MRPL38: variants seen among roughly 807,000 people sequenced by gnomAD.
MRPL38 encodes large ribosomal subunit protein mL38.
A neutral mutation model predicts 52.1 loss-of-function variants in MRPL38; 51 were observed. The observed-to-expected ratio is 0.98, with a 90% CI of 0.78 to 1.24. The LOEUF (loss-of-function observed/expected upper bound fraction) is 1.24, where lower values mean the gene tolerates loss of function less well. MRPL38 is among the 50% of genes most tolerant of loss of function. The probability of loss-of-function intolerance (pLI) is 0.00; values close to 1 mark genes in which losing one functional copy is unlikely to be tolerated. For synonymous variants in MRPL38, 245 were observed against 212.7 expected, an observed-to-expected ratio of 1.15 and a Z score of -1.32; for missense variants, 527 against 518.6, an observed-to-expected ratio of 1.02 and a Z score of -0.16.
chr17:75,901,720 G>A lies in MRPL38; in HGVS notation c.583C>T (p.Pro195Ser). Residue 195 changes from proline to serine, a missense_variant, in exon 4 of 9, where the codon CCA (proline) becomes TCA (serine). By Grantham distance (74) the Pro-to-Ser change is moderately conservative. Coordinates refer to ENST00000309352, the MANE Select transcript of MRPL38 (RefSeq NM_032478.4). The surrounding 1 kb of genome is among the most constrained non-coding windows in gnomAD (Gnocchi z 5.7). ...CACAAGTGAGTGGTTACCTCGGTTG[G>A]AGTCACCTCATTGCCACAGTACACA... is the stretch of plus-strand genomic sequence containing the variant. ...MPVYCGNEVTPTEAAQAPEVT... is the reference protein window; with the variant it reads ...MPVYCGNEVTSTEAAQAPEVT... 1 of 1,613,768 alleles carries A rather than the reference G, an allele frequency of 6.2e-7. No individual in the cohort carries two copies. Among genetic ancestry groups the A allele is most frequent in the Non-Finnish European group, 8.5e-7 (1 of 1,179,798 alleles).
At position 75,901,137 on chromosome 17, in the gene MRPL38, C is replaced by T. The variant is rs2065402471; in HGVS notation, c.664+64G>A. On this transcript the variant is annotated intron_variant, in intron 5 of 8. Transcript: ENST00000309352. The surrounding 1 kb of genome is among the most constrained non-coding windows in gnomAD (Gnocchi z 5.7). ...TCTCCACCTGGCCCCTCCCCCAGCC[C>T]CCCAGGGCCCTGGCTCATAGGAGGT... is the stretch of plus-strand genomic sequence containing the variant. 2 of 1,603,658 alleles carry T rather than the reference C, an allele frequency of 1.2e-6. No homozygotes were observed. The highest frequency in any genetic ancestry group is 1.3e-5 in the African/African-American group (1 of 74,738).
At position 75,901,659 on chromosome 17, in the gene MRPL38, G is replaced by A; in HGVS notation, c.591+53C>T. 2 of 1,478,936 alleles carry A rather than the reference G, an allele frequency of 1.4e-6. No individual in the cohort carries two copies. Among genetic ancestry groups the A allele is most frequent in the South Asian group, 1.1e-5 (1 of 87,850 alleles). The allele number at this position is 1,478,936 out of a possible 1,614,324, so 91.6% of individuals were successfully genotyped here. ...AGGAGTGTCTGTGACACTGAGATGG[G>A]ATGTGTCTGTGTTTGCACAGGGCAG... On this transcript the variant is annotated intron_variant, in intron 4 of 8. Transcript: ENST00000309352. The surrounding 1 kb of genome is among the most constrained non-coding windows in gnomAD (Gnocchi z 5.7).
rs1330000930 is a variant in MRPL38, at chr17:75,902,032, G to A, written c.370C>T (p.Arg124Cys). The A allele has an allele frequency of 3.1e-6, 5 of 1,613,714 alleles. No homozygotes were observed. The highest frequency in any genetic ancestry group is 1.3e-5 in the African/African-American group (1 of 75,052). ...TGAGAAGGCTTACCTGTGCGGAGGC[G>A]GGCAGCCCGCTCCTCTTCCACATTG... Reference protein sequence around the residue: ...RANVEEERAARLRTASVPLDA... With the variant: ...RANVEEERAACLRTASVPLDA... The change falls in exon 3 of 9, where the codon CGC becomes TGC. Residue 124 changes from arginine (R) to cysteine (C), a missense_variant. Transcript: ENST00000309352.
rs374283738 is a variant in MRPL38 at position 75,901,069 on chromosome 17, C to T, written c.665-42G>A. ...CTGCTGACCACGGCCCAGCCGACCA[C>T]GGCCCTGCCACCCCCTCCCTTGTTA... is the stretch of plus-strand genomic sequence containing the variant. On this transcript the variant is annotated intron_variant, in intron 5 of 8. Transcript: ENST00000309352. This position sits in a 1 kb window ranked among gnomAD's most constrained non-coding sequence, Gnocchi z 5.7. 79 of 1,602,722 alleles carry T rather than the reference C, an allele frequency of 4.9e-5. No individual in the cohort carries two copies. The highest frequency in any genetic ancestry group is 1.7e-5 in the Non-Finnish European group (20 of 1,175,346).
intron 1 of MRPL38, 39 bp downstream of exon 1, chr17:75,904,770 G>GGGGGGGGGGC: frequency 2.0e-6 from 1 of 500,008 alleles, no homozygotes; most frequent in Non-Finnish European, 2.8e-6. Flanking sequence ...TCGGGCGACA[G>GGGGGGGGGGC]CCCCCCCCCC....
In MRPL38 at chr17:75,904,713, A is replaced by T; in HGVS notation, c.74T>A (p.Leu25Gln). The stretch of plus-strand genomic sequence containing the variant: ...CCCCAGCGGGGGTGTCCGGCGGCCC[A>T]GGACGGCTGCGGGCAGAGAGAAGAC... Reference protein sequence around the residue: ...RWRGFSTSAVLGRRTPPLGPM... With the variant: ...RWRGFSTSAVQGRRTPPLGPM... Residue 25 changes from leucine (L) to glutamine (Q), a missense_variant, in exon 2 of 9, where the codon CTG becomes CAG. By Grantham distance (113) the Leu-to-Gln change is moderately radical. Transcript: ENST00000309352. The T allele has an allele frequency of 6.5e-7, 1 of 1,542,432 alleles. No homozygotes were observed.
chr17:75,899,030 C>A, intron 8 of MRPL38, 44 bp from the exon 9 acceptor site: 1 of 1,546,804 alleles, frequency 6.5e-7, no homozygotes, highest in Non-Finnish European at 8.7e-7. Flanking sequence ...CTGGCCTGCG[C>A]CCCCTCAGGC....
rs760470974 is a variant in MRPL38, at chr17:75,899,618, G to A, written c.767C>T (p.Pro256Leu). Residue 256 changes from proline (P) to leucine (L), a missense_variant, in exon 7 of 9, where the codon CCC (proline) becomes CTC (leucine). Physicochemically the swap from Pro to Leu is moderately conservative, Grantham distance 98 (BLOSUM62 -3). Transcript: ENST00000309352. ...AEGQVTCPYL[P>L]PFPARGSGIH... is the part of the protein sequence containing the mutation. ...GCCGGAGCCTCGGGCAGGGAAGGGG[G>A]GGAGGTAGGGACACGTCACCTGTCC... 16 of 1,607,176 alleles carry A rather than the reference G, an allele frequency of 1.0e-5. No homozygotes were observed. The Admixed American group carries it at 2.0e-4, about 20-fold the overall frequency.
At chr17:75,904,513 G>A (rs1285934185) in intron 2 of MRPL38, 27 bp downstream of exon 2, 9 of 1,499,990 alleles carry the variant, frequency 6.0e-6, no homozygotes, top group Admixed American at 2.3e-5. Flanking sequence ...GGCGGTGGCT[G>A]CAGCCCCTGC....
Position 75,899,340 on chromosome 17 carries a change from G to C in MRPL38, c.870-46C>G, listed in dbSNP as rs367578841. 9.4e-6 allele frequency: 15 copies of C among 1,596,758 alleles called. No individual in the cohort carries two copies. In the African/African-American group the frequency reaches 1.9e-4, roughly 20 times the overall value. On this transcript the variant is annotated intron_variant, in intron 7 of 8. Coordinates refer to ENST00000309352, the MANE Select transcript of MRPL38 (RefSeq NM_032478.4). ...TATGAGAGTGTGGAGTGGGGCACCA[G>C]AGCCCCTCACCCCGCCACCCCAACA...
intron 6 of MRPL38, chr17:75,900,720 C>CAAAAA (rs5822109): frequency 1.9e-5 from 20 of 1,034,216 alleles, no homozygotes; most frequent in East Asian, 4.7e-5. Context: ...GACCCTGTCT[C>CAAAAA]AAAAAAAAAA....
Position 75,899,585 on chromosome 17 carries a change from C to A in MRPL38, c.800G>T (p.Arg267Leu). The part of the protein sequence containing the change: ...PFPARGSGIH[R>L]LAFLLFKQDQ... ...CTGCTTGAAGAGCAGGAAGGCAAGA[C>A]GGTGGATGCCGGAGCCTCGGGCAGG... The change falls in exon 7 of 9, where the codon CGT becomes CTT. Residue 267 changes from arginine (R) to leucine (L), a missense_variant. Arg to Leu is a moderately radical substitution (Grantham distance 102). Transcript: ENST00000309352. 1.2e-6 allele frequency: 2 copies of A among 1,607,366 alleles called. No homozygotes were observed. The highest frequency in any genetic ancestry group is 1.7e-6 in the Non-Finnish European group (2 of 1,176,118).
In MRPL38 at chr17:75,898,811, G is replaced by C. The variant is rs1045162772; in HGVS notation, c.*39C>G. The C allele has an allele frequency of 1.9e-6, 3 of 1,608,766 alleles. No individual in the cohort carries two copies. The highest frequency in any genetic ancestry group is 2.7e-5 in the African/African-American group (2 of 74,846). ...GAGCTGTGTCTTTACTCTTGCTGCC[G>C]ATCAATCCCATGCTCTGAAATGCGC... On this transcript the variant is annotated 3_prime_UTR_variant, in exon 9 of 9. Transcript: ENST00000309352.
chr17:75,904,305 G>C (rs1169786672), intron 2 of MRPL38: 1 of 692,468 alleles, frequency 1.4e-6, no homozygotes, highest in South Asian at 1.5e-5. Context: ...TATTTTAGGA[G>C]CTGGAACTCT....
chr17:75,899,269 G>T lies in MRPL38; in HGVS notation c.895C>A (p.Arg299Ser). ...TGTTTCTTGTAGAAATCAAAAGTGC[G>T]GAAGGTCCGCTGGGCCAGCTGATAG... ...PCYQLAQRTFRTFDFYKKHQE... is the reference protein window; with the variant it reads ...PCYQLAQRTFSTFDFYKKHQE... The change falls in exon 8 of 9, where the codon CGC becomes AGC. Residue 299 changes from arginine to serine, a missense_variant. Coordinates refer to ENST00000309352, the MANE Select transcript of MRPL38 (RefSeq NM_032478.4). The T allele has an allele frequency of 1.2e-6, 2 of 1,612,658 alleles. No homozygotes were observed. Among genetic ancestry groups the T allele is most frequent in the South Asian group, 2.2e-5 (2 of 90,856 alleles).
chr17:75,899,483 G>T, intron 7 of MRPL38, 33 bp downstream of exon 7: 1 of 1,553,284 alleles, frequency 6.4e-7, no homozygotes, highest in Non-Finnish European at 8.7e-7. Flanking sequence ...GAGCTGGCCT[G>T]AGGCCGGGTT....
chr17:75,900,595 C>A (rs2065399236), intron 6 of MRPL38: 2 of 228,644 alleles, frequency 8.7e-6, no homozygotes, highest in Non-Finnish European at 1.6e-5. Context: ...GTGGTTTGCA[C>A]CTGTAGTCCC....
chr17:75,901,037 A>C lies in MRPL38; in HGVS notation c.665-10T>G. On this transcript the variant is annotated splice_polypyrimidine_tract_variant and intron_variant, in intron 5 of 8. Coordinates refer to ENST00000309352, the MANE Select transcript of MRPL38 (RefSeq NM_032478.4). This position sits in a 1 kb window ranked among gnomAD's most constrained non-coding sequence, Gnocchi z 5.7. ...TCCAGCAGGTGCCCATCTGCACAAAAACACACCTGCTGACCACGGCCCAGC... is the reference window on the plus strand; with the variant it reads ...TCCAGCAGGTGCCCATCTGCACAAACACACACCTGCTGACCACGGCCCAGC... 6.2e-7 allele frequency: 1 copy of C among 1,611,552 alleles called. No homozygotes were observed. Among genetic ancestry groups the C allele is most frequent in the Non-Finnish European group, 8.5e-7 (1 of 1,179,102 alleles).
At chr17:75,900,632 G>A (rs776547740) in intron 6 of MRPL38, 24 of 397,426 alleles carry the variant, frequency 6.0e-5, no homozygotes, top group Non-Finnish European at 9.0e-5. Context: ...GAGGTGGGAA[G>A]AGCACCTGAG....
Sources: allele counts gnomAD v4.1 joint callset, GRCh38; gene constraint gnomAD v4.1.1; non-coding constraint Gnocchi (gnomAD v3.1); transcripts MANE v1.5; gene names NCBI Gene and HGNC (gene_info 2026-07-23, HGNC 2026-07-21).